DNER: variants seen among roughly 807,000 people sequenced by gnomAD.
DNER encodes the protein delta/notch like EGF repeat containing, also known as delta and Notch-like epidermal growth factor-related receptor.
In DNER, 33 loss-of-function variants were observed where a neutral mutation model predicts 78.2. That is an observed-to-expected ratio of 0.42 (90% CI 0.32 to 0.56). The LOEUF (loss-of-function observed/expected upper bound fraction) is 0.56. Ranked by LOEUF, DNER falls within the 20% of genes least tolerant of loss-of-function variation. The pLI, the probability that DNER is intolerant of heterozygous loss-of-function variation, is 0.11. For missense variants in DNER, 918 were observed against 975.3 expected, an observed-to-expected ratio of 0.94 and a Z score of 0.78; for synonymous variants, 417 against 384.8, an observed-to-expected ratio of 1.08 and a Z score of -0.98.
intron 1 of DNER, among the ~76,000 whole-genome samples, chr2:229,634,787 G>A (rs550258712): frequency 2.0e-5 from 3 of 152,064 alleles, no homozygotes; most frequent in East Asian, 3.9e-4. Flanking sequence ...CATCCTCTGC[G>A]AGCGGGAAGG....
chr2:229,622,450 C>T (rs573810754), intron 1 of DNER, among the ~76,000 whole-genome samples: 1 of 152,304 alleles, frequency 6.6e-6, no homozygotes, highest in African/African-American at 2.4e-5. Flanking sequence ...GCTAATGTGA[C>T]TTAACCAAGC....
At chr2:229,507,977 A>G (rs1309220269) in intron 6 of DNER, among the ~76,000 whole-genome samples, 2 of 152,236 alleles carry the variant, frequency 1.3e-5, no homozygotes, top group Admixed American at 1.3e-4. Flanking sequence ...AATTTGTATA[A>G]CAAATTATTA....
intron 7 of DNER, among the ~76,000 whole-genome samples, chr2:229,460,924 C>T (rs1209368079): frequency 1.3e-5 from 2 of 152,048 alleles, no homozygotes; most frequent in African/African-American, 4.8e-5. Flanking sequence ...AGATACAGTA[C>T]TATGTGAGTC....
intron 1 of DNER, among the ~76,000 whole-genome samples, chr2:229,705,316 GC>G (rs1489800951): frequency 6.6e-6 from 1 of 152,200 alleles, no homozygotes; most frequent in Non-Finnish European, 1.5e-5. Context: ...GGACCTGCTT[GC>G]TTTCAGGAAC....
At chr2:229,578,404 T>G (rs1333494781) in intron 4 of DNER, among the ~76,000 whole-genome samples, 1 of 152,208 alleles carries the variant, frequency 6.6e-6, no homozygotes, top group African/African-American at 2.4e-5. Context: ...GGATTCCTTT[T>G]AATTCCTGAG....
intron 6 of DNER, among the ~76,000 whole-genome samples, chr2:229,479,326 C>T (rs567647542): frequency 1.3e-4 from 20 of 152,190 alleles, no homozygotes; most frequent in East Asian, 3.9e-4. Flanking sequence ...GCATCACCAT[C>T]GTCAACAAAC....
intron 1 of DNER, among the ~76,000 whole-genome samples, chr2:229,598,147 T>C (rs550813942): frequency 6.6e-5 from 10 of 152,224 alleles, no homozygotes; most frequent in Non-Finnish European, 1.5e-4. Flanking sequence ...TCAAAGCTAA[T>C]AGGGTTGCTC....
intron 5 of DNER, 79 bp downstream of exon 5, chr2:229,546,868 C>T: frequency 6.4e-7 from 1 of 1,574,030 alleles, no homozygotes; most frequent in Non-Finnish European, 8.6e-7. Context: ...GGGGTAAGAA[C>T]ACACACATAC....
At chr2:229,536,454 C>G (rs1433713391) in intron 5 of DNER, among the ~76,000 whole-genome samples, 4 of 152,168 alleles carry the variant, frequency 2.6e-5, no homozygotes. Flanking sequence ...TGGGAGCAAG[C>G]AGATGGTTTT....
chr2:229,414,885 G>T (rs115445907), intron 9 of DNER, among the ~76,000 whole-genome samples: 81 of 152,308 alleles, frequency 5.3e-4, no homozygotes, highest in African/African-American at 1.9e-3. Context: ...GGTCCAGGCT[G>T]GGTGCAGTGG....
intron 1 of DNER, among the ~76,000 whole-genome samples, chr2:229,653,295 C>T (rs953535945): frequency 6.6e-6 from 1 of 152,206 alleles, no homozygotes; most frequent in African/African-American, 2.4e-5. Flanking sequence ...AGGCTGACAC[C>T]TCTGCTGGGC....
chr2:229,447,069 T>C (rs542257126), intron 8 of DNER, among the ~76,000 whole-genome samples: 1 of 152,302 alleles, frequency 6.6e-6, no homozygotes, highest in African/African-American at 2.4e-5. Context: ...GAGTTGATCA[T>C]GAAATGATGA....
chr2:229,446,593 T>G lies in DNER; in HGVS notation c.1486+723A>C, dbSNP rs114791410. Among the ~76,000 whole-genome samples, 469 of 152,280 alleles carry G rather than the reference T, an allele frequency of 3.1e-3. 3 individuals carry two copies. Among genetic ancestry groups the G allele is most frequent in the African/African-American group, 0.011 (437 of 41,556 alleles). Reference sequence around the variant, plus strand: ...TCTAAAGAGCCAGCTCGTGTAAGGATGGAGACATACACAGAATAGAAACGA... The same window carrying G: ...TCTAAAGAGCCAGCTCGTGTAAGGAGGGAGACATACACAGAATAGAAACGA... On this transcript the variant is annotated intron_variant, in intron 8 of 12. Coordinates refer to ENST00000341772, the MANE Select transcript of DNER (RefSeq NM_139072.4).
chr2:229,445,281 G>T (rs534249863), intron 8 of DNER, among the ~76,000 whole-genome samples: 16 of 152,330 alleles, frequency 1.1e-4, no homozygotes, highest in Admixed American at 9.8e-4. Flanking sequence ...CCACATGGAA[G>T]AAAACTGGAC....
chr2:229,418,029 A>C, intron 9 of DNER, 79 bp downstream of exon 9: 2 of 1,601,016 alleles, frequency 1.2e-6, no homozygotes, highest in Non-Finnish European at 1.7e-6. Flanking sequence ...GTCCAATTAG[A>C]GGTTTATGCA....
chr2:229,702,867 A>AG (rs1276115096), intron 1 of DNER, among the ~76,000 whole-genome samples: 2 of 147,068 alleles, frequency 1.4e-5, no homozygotes, highest in African/African-American at 5.0e-5. Flanking sequence ...CAGTGAGCTG[A>AG]GACCGTGCCA....
chr2:229,366,752 A>G (rs770496301), intron 12 of DNER, 121 bp downstream of exon 12: 105 of 1,445,738 alleles, frequency 7.3e-5, no homozygotes, highest in Middle Eastern at 5.1e-4. Flanking sequence ...ACAATGTGGA[A>G]CCTATTTTCC....
In DNER at chr2:229,487,306, A is replaced by G. The variant is rs146046073; in HGVS notation, c.1148-10053T>C. On this transcript the variant is annotated intron_variant, in intron 6 of 12. Coordinates refer to ENST00000341772, the MANE Select transcript of DNER (RefSeq NM_139072.4). ...GGGACACTATAAATACTCATTATAT[A>G]GTAAACTAATAACTGCATAAGCACC... is the stretch of plus-strand genomic sequence containing the variant. Among the ~76,000 whole-genome samples, 932 of 152,350 alleles carry G rather than the reference A, an allele frequency of 6.1e-3. 6 individuals carry two copies. The highest frequency in any genetic ancestry group is 0.022 in the African/African-American group (904 of 41,570).
At chr2:229,711,271 G>C (rs1317064652) in intron 1 of DNER, among the ~76,000 whole-genome samples, 7 of 152,140 alleles carry the variant, frequency 4.6e-5, no homozygotes, top group Non-Finnish European at 8.8e-5. Context: ...AGAGGAAGGG[G>C]AGAGGTGAGG....
Sources: gnomAD v4.1 joint callset for allele counts (sites outside exome capture counted in the v4.1 genomes callset) on GRCh38, gnomAD v4.1.1 for gene constraint, MANE v1.5 for transcripts, NCBI Gene and HGNC (gene_info 2026-07-23, HGNC 2026-07-21) for gene names.